The following CACNG3 variants were observed in gnomAD, a reference collection of about 807,000 sequenced individuals.
CACNG3 encodes voltage-dependent calcium channel gamma-3 subunit.
A neutral mutation model predicts 28.5 loss-of-function variants in CACNG3; 3 were observed. That is an observed-to-expected ratio of 0.11 (90% CI 0.05 to 0.27). The LOEUF is 0.27. CACNG3 is among the 10% of genes least tolerant of loss of function. CACNG3 has a pLI of 1.00. For missense variants in CACNG3, 236 were observed against 414.4 expected, an observed-to-expected ratio of 0.57 and a Z score of 3.74; for synonymous variants, 174 against 162.2, an observed-to-expected ratio of 1.07 and a Z score of -0.55.
At chr16:24,303,707 C>G (rs954006555) in intron 1 of CACNG3, among the ~76,000 whole-genome samples, 1 of 152,112 alleles carries the variant, frequency 6.6e-6, no homozygotes, top group African/African-American at 2.4e-5. Context: ...CACCTGAGCT[C>G]AGGAGTTCAA....
chr16:24,307,052 T>A (rs1270516569), intron 1 of CACNG3, among the ~76,000 whole-genome samples: 1 of 152,130 alleles, frequency 6.6e-6, no homozygotes, highest in African/African-American at 2.4e-5. Context: ...CCACATCCAA[T>A]AGCTGGGCAG....
chr16:24,312,941 AAGAAAGAAAGAAAG>A (rs1295629714), intron 1 of CACNG3, among the ~76,000 whole-genome samples: 2 of 99,566 alleles, frequency 2.0e-5, no homozygotes, highest in African/African-American at 7.9e-5. Context: ...GAAAGAAAGA[AAGAAAGAAAGAAAG>A]AGAAAGAAAG....
chr16:24,354,774 T>C, intron 2 of CACNG3, 59 bp from the exon 3 acceptor site: 1 of 1,574,866 alleles, frequency 6.3e-7, no homozygotes, highest in East Asian at 2.3e-5. Context: ...GCGCTTGCAA[T>C]GGGAGGACCC....
At chr16:24,333,584 G>A (rs769207804) in intron 1 of CACNG3, 1 of 152,276 alleles carries the variant, frequency 6.6e-6, no homozygotes, top group Admixed American at 6.6e-5. Flanking sequence ...CCTGAAGGCT[G>A]TGGTCCTTGA....
At chr16:24,261,099 A>G (rs1282775257) in intron 1 of CACNG3, among the ~76,000 whole-genome samples, 1 of 152,342 alleles carries the variant, frequency 6.6e-6, no homozygotes, top group Admixed American at 6.5e-5. Flanking sequence ...ACCTTAGTTT[A>G]CCCAAATCTA....
chr16:24,333,741 C>A (rs1025471107), intron 1 of CACNG3, among the ~76,000 whole-genome samples: 1 of 151,692 alleles, frequency 6.6e-6, no homozygotes, highest in Non-Finnish European at 1.5e-5. Flanking sequence ...ACTCAGGAGG[C>A]TAAGGTAGGA....
intron 1 of CACNG3, among the ~76,000 whole-genome samples, chr16:24,272,909 A>C (rs1898708609): frequency 6.6e-6 from 1 of 152,082 alleles, no homozygotes; most frequent in Non-Finnish European, 1.5e-5. Context: ...AATTTGTGTC[A>C]TGGGGGATGT....
chr16:24,295,756 G>A (rs778849376), intron 1 of CACNG3, among the ~76,000 whole-genome samples: 16 of 152,142 alleles, frequency 1.1e-4, no homozygotes, highest in Non-Finnish European at 2.1e-4. Flanking sequence ...GGCTGAGGTG[G>A]CAGGATTGCT....
At chr16:24,260,547 CCTCT>C (rs755032324) in intron 1 of CACNG3, among the ~76,000 whole-genome samples, 45 of 152,366 alleles carry the variant, frequency 3.0e-4, no homozygotes, top group Admixed American at 9.8e-4. Context: ...AGTCGTGCTG[CCTCT>C]CTGAGTATTT....
At chr16:24,302,981 A>G (rs1368764583) in intron 1 of CACNG3, among the ~76,000 whole-genome samples, 1 of 151,808 alleles carries the variant, frequency 6.6e-6, no homozygotes. Context: ...TTAAATAGAG[A>G]TAAGGTCTTG....
chr16:24,360,076 A>G (rs1383256141), intron 3 of CACNG3, among the ~76,000 whole-genome samples: 1 of 152,118 alleles, frequency 6.6e-6, no homozygotes, highest in Non-Finnish European at 1.5e-5. Flanking sequence ...GCTCCTGGAA[A>G]TGGTTACTCA....
chr16:24,286,519 C>A (rs1395835966), intron 1 of CACNG3, among the ~76,000 whole-genome samples: 1 of 151,974 alleles, frequency 6.6e-6, no homozygotes, highest in Non-Finnish European at 1.5e-5. Flanking sequence ...CAAATAGCAG[C>A]CCTGAATTTC....
Position 24,338,104 on chromosome 16 carries a change from C to T in CACNG3, c.212-8630C>T, listed in dbSNP as rs117399646. Among the ~76,000 whole-genome samples the T allele has an allele frequency of 2.5e-4, 38 of 152,228 alleles. No homozygotes were observed. The East Asian group carries it at 6.2e-3, about 25-fold the overall frequency. On this transcript the variant is annotated intron_variant, in intron 1 of 3. Coordinates refer to ENST00000005284, the MANE Select transcript of CACNG3 (RefSeq NM_006539.4). ...GCCTTCTTTTTTCCTACTAGCCTCT[C>T]TTCTGTTCCTCAAACTCACCAAGTT...
At chr16:24,340,801 G>T (rs1899775958) in intron 1 of CACNG3, among the ~76,000 whole-genome samples, 3 of 152,128 alleles carry the variant, frequency 2.0e-5, no homozygotes, top group Admixed American at 2.0e-4. Context: ...AATTCTCAGG[G>T]CCCGGCTCTC....
chr16:24,293,165 G>T (rs921462495), intron 1 of CACNG3, among the ~76,000 whole-genome samples: 5 of 152,204 alleles, frequency 3.3e-5, no homozygotes, highest in Admixed American at 2.6e-4. Flanking sequence ...GAGCTGTTAA[G>T]AAATTATTTG....
chr16:24,326,418 G>C (rs1238197524), intron 1 of CACNG3, among the ~76,000 whole-genome samples: 1 of 152,020 alleles, frequency 6.6e-6, no homozygotes, highest in Non-Finnish European at 1.5e-5. Flanking sequence ...TGATCCGCCC[G>C]CCTCGGCCTC....
At chr16:24,313,738 T>C (rs1353321355) in intron 1 of CACNG3, among the ~76,000 whole-genome samples, 1 of 151,776 alleles carries the variant, frequency 6.6e-6, no homozygotes, top group Admixed American at 6.6e-5. Context: ...TTTTATGTTT[T>C]TATTTATTTA....
At position 24,361,334 on chromosome 16, in the gene CACNG3, C is replaced by G. The variant is rs370738159; in HGVS notation, c.437-18C>G. 1.4e-5 allele frequency: 21 copies of G among 1,549,398 alleles called. No homozygotes were observed. Among genetic ancestry groups the G allele is most frequent in the Admixed American group, 4.1e-5 (2 of 48,236 alleles). On this transcript the variant is annotated intron_variant, in intron 3 of 3. Coordinates refer to ENST00000005284, the MANE Select transcript of CACNG3 (RefSeq NM_006539.4). This position sits in a 1 kb window ranked among gnomAD's most constrained non-coding sequence, Gnocchi z 6.8. ...CGAGGTGTATAAAGGACGTGTTTTTCTTTTCCCCTTCTCTTAGGGTTAAGC... is the reference window on the plus strand; with the variant it reads ...CGAGGTGTATAAAGGACGTGTTTTTGTTTTCCCCTTCTCTTAGGGTTAAGC...
rs867799411 is a variant in CACNG3 at position 24,361,479 on chromosome 16, C to G, written c.564C>G (p.Ile188Met). The G allele has an allele frequency of 6.2e-7, 1 of 1,614,136 alleles. No homozygotes were observed. The highest frequency in any genetic ancestry group is 8.5e-7 in the Non-Finnish European group (1 of 1,180,014). The change falls in exon 4 of 4, where the codon ATC becomes ATG. Residue 188 changes from isoleucine to methionine, a missense_variant. Coordinates refer to ENST00000005284, the MANE Select transcript of CACNG3 (RefSeq NM_006539.4). The surrounding 1 kb of genome is among the most constrained non-coding windows in gnomAD (Gnocchi z 6.8). ...SFYFGAFSFI[I>M]AEIVGVVAVH... Reference sequence around the variant, plus strand: ...ATTTCGGAGCCTTCTCTTTCATCATCGCAGAAATTGTAGGAGTGGTTGCCG... The same window carrying G: ...ATTTCGGAGCCTTCTCTTTCATCATGGCAGAAATTGTAGGAGTGGTTGCCG...
Sources: allele counts gnomAD v4.1 joint callset (sites outside exome capture counted in the v4.1 genomes callset), GRCh38; gene constraint gnomAD v4.1.1; non-coding constraint Gnocchi (gnomAD v3.1); transcripts MANE v1.5; gene names NCBI Gene and HGNC (gene_info 2026-07-23, HGNC 2026-07-21).